The following LVRN variants were observed in gnomAD, a reference collection of about 807,000 sequenced individuals.
The protein encoded by LVRN is laeverin, also known as aminopeptidase Q.
Under a neutral mutation model 111.4 loss-of-function variants are expected in LVRN, and 99 were observed. The observed-to-expected ratio is 0.89, with a 90% CI of 0.76 to 1.05. LVRN has a LOEUF of 1.05. Among genes scored for constraint, LVRN ranks in the 50% least tolerant of loss-of-function variants. The pLI is 0.00. For synonymous variants in LVRN, 488 were observed against 449.5 expected (o/e 1.09, Z -1.08); for missense variants, 1,414 against 1,206.8 (o/e 1.17, Z -2.54).
At chr5:115,996,954 A>C (rs1013622873) in intron 6 of LVRN, among the ~76,000 whole-genome samples, 2 of 152,194 alleles carry the variant, frequency 1.3e-5, no homozygotes, top group African/African-American at 4.8e-5. Context: ...TACTGTTGAG[A>C]CAACTACCAC....
intron 1 of LVRN, among the ~76,000 whole-genome samples, chr5:115,979,616 C>G (rs538551281): frequency 1.3e-4 from 20 of 152,128 alleles, no homozygotes; most frequent in Non-Finnish European, 2.6e-4. Context: ...AATTTTATAT[C>G]TATTATGTTT....
chr5:115,972,390 A>T (rs1205137943), intron 1 of LVRN, among the ~76,000 whole-genome samples: 1 of 151,428 alleles, frequency 6.6e-6, no homozygotes, highest in Non-Finnish European at 1.5e-5. Context: ...AGAAATTCCA[A>T]TTTCTAATTG....
In LVRN at chr5:115,962,635, C is replaced by G. The variant is rs371899368; in HGVS notation, c.18C>G (p.Ser6Arg). MGPPS[S>R]SGFYVSRAVA... ...TCCCTGCCATGGGGCCCCCTTCCAG[C>G]TCAGGCTTCTATGTGAGCCGCGCAG... The change falls in exon 1 of 20, where the codon AGC becomes AGG. Residue 6 changes from serine (S) to arginine (R), a missense_variant. Transcript: ENST00000357872. The G allele has an allele frequency of 2.3e-5, 37 of 1,601,430 alleles. No individual in the cohort carries two copies. Among genetic ancestry groups the G allele is most frequent in the Non-Finnish European group, 3.1e-5 (36 of 1,175,524 alleles).
At chr5:115,986,464 C>T (rs6869837) in intron 3 of LVRN, among the ~76,000 whole-genome samples, 13,453 of 152,172 alleles carry the variant, frequency 0.088, 847 homozygotes, top group East Asian at 0.2. Context: ...GAAAAGGATG[C>T]CAGCTGCCAT....
In LVRN at chr5:116,023,907, T is replaced by G. The variant is rs368724872; in HGVS notation, c.2832+1441T>G. ...TGGAAACCATCTAAATGCCCACCCA[T>G]AGGTAAAAGAATAAGGAAAAGTAAT... On this transcript the variant is annotated intron_variant, in intron 19 of 19. Transcript: ENST00000357872. Among the ~76,000 whole-genome samples, 8 of 152,118 alleles carry G rather than the reference T, an allele frequency of 5.3e-5. No individual in the cohort carries two copies. In the South Asian group the frequency reaches 1.2e-3, roughly 24 times the overall value.
chr5:116,008,129 C>T (rs1425657945), intron 13 of LVRN, among the ~76,000 whole-genome samples: 1 of 152,082 alleles, frequency 6.6e-6, no homozygotes, highest in South Asian at 2.1e-4. Flanking sequence ...ATCACGAGAT[C>T]AGGAGATCAA....
intron 16 of LVRN, among the ~76,000 whole-genome samples, chr5:116,014,816 A>G (rs1252290025): frequency 6.6e-6 from 1 of 152,136 alleles, no homozygotes; most frequent in Non-Finnish European, 1.5e-5. Context: ...TTGAGTCTTA[A>G]TAGGTTGTTC....
chr5:116,015,518 C>A (rs923098876), intron 17 of LVRN, 99 bp downstream of exon 17: 4 of 1,462,654 alleles, frequency 2.7e-6, no homozygotes, highest in South Asian at 1.5e-5. Context: ...TAAAACGTTG[C>A]GTATTTGTGC....
intron 7 of LVRN, among the ~76,000 whole-genome samples, 183 bp from the exon 8 acceptor site, chr5:116,000,250 T>C (rs1748210395): frequency 6.6e-6 from 1 of 152,240 alleles, no homozygotes; most frequent in Non-Finnish European, 1.5e-5. Context: ...TCTGCTTACC[T>C]TTTACCTCTG....
chr5:116,024,340 A>T (rs1439194390), intron 19 of LVRN, among the ~76,000 whole-genome samples: 1 of 152,180 alleles, frequency 6.6e-6, no homozygotes, highest in South Asian at 2.1e-4. Flanking sequence ...CTAGGCAAAT[A>T]AACAAATACA....
Position 116,000,437 on chromosome 5 carries a change from C to A in LVRN, c.1520C>A (p.Ala507Glu). The part of the protein sequence containing the change: ...LFDIFTYSKG[A>E]SMARMLSCFL... Reference sequence around the variant, plus strand: ...GGACAGCTTCTTTTGTCCTAGGGAGCGTCTATGGCCCGGATGCTTTCTTGT... The same window carrying A: ...GGACAGCTTCTTTTGTCCTAGGGAGAGTCTATGGCCCGGATGCTTTCTTGT... Residue 507 changes from alanine (A) to glutamate (E), a missense_variant, in exon 8 of 20, where the codon GCG becomes GAG. Coordinates refer to ENST00000357872, the MANE Select transcript of LVRN (RefSeq NM_173800.5). 6.2e-7 allele frequency: 1 copy of A among 1,614,030 alleles called. No individual in the cohort carries two copies. Among genetic ancestry groups the A allele is most frequent in the Non-Finnish European group, 8.5e-7 (1 of 1,179,956 alleles).
chr5:115,971,901 A>G (rs1034344053), intron 1 of LVRN, among the ~76,000 whole-genome samples: 1 of 152,122 alleles, frequency 6.6e-6, no homozygotes, highest in African/African-American at 2.4e-5. Flanking sequence ...ACTCTATAGA[A>G]AAATTTGAGG....
chr5:115,997,881 G>C (rs1748152952), intron 6 of LVRN, among the ~76,000 whole-genome samples: 1 of 152,146 alleles, frequency 6.6e-6, no homozygotes, highest in Non-Finnish European at 1.5e-5. Context: ...AGAATAGAAA[G>C]ACCTCTAGGG....
rs527754723 is a variant in LVRN at position 115,998,503 on chromosome 5, G to T, written c.1375-1259G>T. 7.9e-5 allele frequency among the ~76,000 whole-genome samples: 12 copies of T among 152,280 alleles called. No homozygotes were observed. In the South Asian group the frequency reaches 2.5e-3, roughly 32 times the overall value. On this transcript the variant is annotated intron_variant, in intron 6 of 19. Coordinates refer to ENST00000357872, the MANE Select transcript of LVRN (RefSeq NM_173800.5). ...ACATTTTAATGGTGGCGACCTTAGG[G>T]TGCGATATTATGGGTGATTTTATTT...
At chr5:115,965,487 T>C (rs1409882929) in intron 1 of LVRN, among the ~76,000 whole-genome samples, 1 of 152,206 alleles carries the variant, frequency 6.6e-6, no homozygotes, top group Non-Finnish European at 1.5e-5. Flanking sequence ...CAAAAATAAA[T>C]TATAGATCAG....
rs756119068 is a variant in LVRN, at chr5:115,962,799, C to T, written c.182C>T (p.Pro61Leu). Residue 61 changes from proline to leucine, a missense_variant, in exon 1 of 20, where the codon CCC becomes CTC. Transcript: ENST00000357872. The part of the protein sequence containing the change: ...LRDLEAESSP[P>L]LRQKPTPTPK... ...GACTTGGAAGCCGAGTCTTCCCCTCCCCTCAGGCAGAAGCCGACGCCAACC... is the reference window on the plus strand; with the variant it reads ...GACTTGGAAGCCGAGTCTTCCCCTCTCCTCAGGCAGAAGCCGACGCCAACC... The T allele has an allele frequency of 6.2e-7, 1 of 1,611,768 alleles. No individual in the cohort carries two copies. Among genetic ancestry groups the T allele is most frequent in the Non-Finnish European group, 8.5e-7 (1 of 1,179,070 alleles).
chr5:116,012,064 AT>A (rs1283542563), intron 14 of LVRN, among the ~76,000 whole-genome samples: 1 of 152,160 alleles, frequency 6.6e-6, no homozygotes, highest in Non-Finnish European at 1.5e-5. Flanking sequence ...TTAAATGATC[AT>A]TATAGCCAAT....
rs1250938897 is a variant in LVRN at position 116,022,486 on chromosome 5, T to G, written c.2832+20T>G. 6 of 1,475,352 alleles carry G rather than the reference T, an allele frequency of 4.1e-6. No individual in the cohort carries two copies. The highest frequency in any genetic ancestry group is 4.6e-6 in the Non-Finnish European group (5 of 1,079,236). The allele number at this position is 1,475,352 out of a possible 1,614,324, so 91.4% of individuals were successfully genotyped here. ...GTGGAGGTAAGTACTTTAAATATTA[T>G]GAAATACAATGATAATTTGGAAACC... On this transcript the variant is annotated intron_variant, in intron 19 of 19. Transcript: ENST00000357872.
rs1246918767 is a variant in LVRN, at chr5:115,984,421, G to T, written c.839-149G>T. ...GATTTTCCTAATGTGGTTTTGGATA[G>T]CTTAGGAGTAGGTGGAGAAATCTGA... On this transcript the variant is annotated intron_variant, in intron 2 of 19. Coordinates refer to ENST00000357872, the MANE Select transcript of LVRN (RefSeq NM_173800.5). 13 of 924,658 alleles carry T rather than the reference G, an allele frequency of 1.4e-5. No homozygotes were observed. The African/African-American group carries it at 1.7e-4, about 12-fold the overall frequency. 57.3% of individuals were successfully genotyped at this position (924,658 alleles called of 1,614,324 possible).
Sources: gnomAD v4.1 joint callset for allele counts (sites outside exome capture counted in the v4.1 genomes callset) on GRCh38, gnomAD v4.1.1 for gene constraint, MANE v1.5 for transcripts, NCBI Gene and HGNC (gene_info 2026-07-23, HGNC 2026-07-21) for gene names.